RSBN1: variants seen among roughly 807,000 people sequenced by gnomAD.
RSBN1 encodes the protein round spermatid basic protein 1.
RSBN1 carries 23 observed loss-of-function variants against 74.8 expected under a neutral mutation model. That is an observed-to-expected ratio of 0.31 (90% CI 0.22 to 0.44). The LOEUF (loss-of-function observed/expected upper bound fraction) is 0.44, where lower values mean the gene tolerates loss of function less well. RSBN1 is among the 20% of genes least tolerant of loss of function. The pLI is 1.00. For synonymous variants in RSBN1, 407 were observed against 379.6 expected (o/e 1.07, Z -0.84); for missense variants, 808 against 1,020.9 (o/e 0.79, Z 2.84).
At chr1:113,770,520 A>G (rs1659867538) in intron 4 of RSBN1, among the ~76,000 whole-genome samples, 1 of 152,226 alleles carries the variant, frequency 6.6e-6, no homozygotes, top group Admixed American at 6.5e-5. Context: ...TTTCAGCCAG[A>G]AAAACTGCAC....
intron 2 of RSBN1, among the ~76,000 whole-genome samples, chr1:113,791,810 C>T (rs1420080990): frequency 6.6e-6 from 1 of 152,110 alleles, no homozygotes; most frequent in African/African-American, 2.4e-5. Context: ...CTATAACACA[C>T]TAATAATGCA....
chr1:113,784,144 T>G (rs965411378), intron 2 of RSBN1, among the ~76,000 whole-genome samples: 1 of 152,074 alleles, frequency 6.6e-6, no homozygotes, highest in African/African-American at 2.4e-5. Context: ...TTGAAAAGAT[T>G]AAAGGAGGGA....
chr1:113,779,438 C>T (rs147412355), intron 2 of RSBN1, among the ~76,000 whole-genome samples: 207 of 152,180 alleles, frequency 1.4e-3, no homozygotes, highest in African/African-American at 3.5e-3. Flanking sequence ...AATCCTCCCC[C>T]CAAGATCACT....
chr1:113,785,611 CA>C (rs1660225756), intron 2 of RSBN1, among the ~76,000 whole-genome samples: 1 of 152,110 alleles, frequency 6.6e-6, no homozygotes, highest in Non-Finnish European at 1.5e-5. Flanking sequence ...TAAGGAGAGG[CA>C]GACACTAATC....
intron 1 of RSBN1, 54 bp downstream of exon 1, chr1:113,811,656 T>C: frequency 6.6e-7 from 1 of 1,519,076 alleles, no homozygotes; most frequent in Non-Finnish European, 8.8e-7. Context: ...AGATGCGGGA[T>C]ATCGGAACTG....
chr1:113,766,967 A>C, intron 6 of RSBN1, 132 bp downstream of exon 6: 9 of 532,438 alleles, frequency 1.7e-5, no homozygotes, highest in South Asian at 2.8e-5. Flanking sequence ...CACCACCCCC[A>C]CCCCAGTCTT....
chr1:113,810,189 T>G (rs935515887), intron 1 of RSBN1, among the ~76,000 whole-genome samples: 13 of 152,180 alleles, frequency 8.5e-5, no homozygotes, highest in African/African-American at 3.1e-4. Context: ...GAAGCAGGAT[T>G]CAGGAGCCTG....
chr1:113,766,158 T>C lies in RSBN1; in HGVS notation c.2231A>G (p.Glu744Gly), dbSNP rs1236406920. 3 of 1,613,956 alleles carry C rather than the reference T, an allele frequency of 1.9e-6. No homozygotes were observed. Among genetic ancestry groups the C allele is most frequent in the East Asian group, 2.2e-5 (1 of 44,884 alleles). The change falls in exon 7 of 7, where the codon GAA becomes GGA. Residue 744 changes from glutamate (E) to glycine (G), a missense_variant. Physicochemically the swap from Glu to Gly is moderately conservative, Grantham distance 98. Around this residue, in one of 6 missense-constraint regions of RSBN1, gnomAD observed 91 missense variants for 99.6 expected, o/e 0.91. Transcript: ENST00000261441. Reference sequence around the variant, plus strand: ...CAGCTGAATCTCTGTGCATGCTTCTTCAGATTCAGTTTTTATCCTCACACA... The same window carrying C: ...CAGCTGAATCTCTGTGCATGCTTCTCCAGATTCAGTTTTTATCCTCACACA... Reference protein sequence around the residue: ...SQCVRIKTESEEACTEIQLLT... With the variant: ...SQCVRIKTESGEACTEIQLLT...
At chr1:113,785,245 T>TG (rs1213694691) in intron 2 of RSBN1, among the ~76,000 whole-genome samples, 1 of 152,236 alleles carries the variant, frequency 6.6e-6, no homozygotes, top group African/African-American at 2.4e-5. Context: ...CTCCACATCT[T>TG]GTCCTGCTGA....
At chr1:113,788,727 C>A (rs1028642364) in intron 2 of RSBN1, among the ~76,000 whole-genome samples, 2 of 152,010 alleles carry the variant, frequency 1.3e-5, no homozygotes, top group Non-Finnish European at 2.9e-5. Flanking sequence ...TGAATTCAGG[C>A]AAGAGTCATG....
intron 4 of RSBN1, among the ~76,000 whole-genome samples, chr1:113,776,970 A>T (rs915097669): frequency 6.6e-6 from 1 of 152,222 alleles, no homozygotes; most frequent in African/African-American, 2.4e-5. Context: ...AAGGGGTTTG[A>T]TCTTTTATCC....
At chr1:113,801,606 G>A (rs1020942019) in intron 1 of RSBN1, among the ~76,000 whole-genome samples, 11 of 152,212 alleles carry the variant, frequency 7.2e-5, no homozygotes, top group African/African-American at 2.4e-4. Flanking sequence ...TTCCAACAGA[G>A]AATCTATTCA....
At chr1:113,788,500 AC>A (rs1327482162) in intron 2 of RSBN1, among the ~76,000 whole-genome samples, 6 of 152,286 alleles carry the variant, frequency 3.9e-5, no homozygotes, top group African/African-American at 1.2e-4. Flanking sequence ...TATCCTTGGT[AC>A]TCAGACATTC....
chr1:113,809,310 G>C (rs1438440863), intron 1 of RSBN1, among the ~76,000 whole-genome samples: 1 of 152,130 alleles, frequency 6.6e-6, no homozygotes, highest in Admixed American at 6.5e-5. Flanking sequence ...CCATTTTATA[G>C]ACAGGAAAAG....
At chr1:113,789,038 T>C (rs1194872815) in intron 2 of RSBN1, among the ~76,000 whole-genome samples, 1 of 152,168 alleles carries the variant, frequency 6.6e-6, no homozygotes, top group African/African-American at 2.4e-5. Flanking sequence ...GAGGTAGGGC[T>C]CCTAAACTCC....
chr1:113,811,580 C>T, intron 1 of RSBN1, 130 bp downstream of exon 1: 1 of 1,377,432 alleles, frequency 7.3e-7, no homozygotes, highest in East Asian at 2.8e-5. Context: ...CCAGGGTCCA[C>T]CCCAGTGAGC....
chr1:113,788,327 G>C (rs1241064627), intron 2 of RSBN1, among the ~76,000 whole-genome samples: 1 of 152,094 alleles, frequency 6.6e-6, no homozygotes, highest in Non-Finnish European at 1.5e-5. Context: ...ACTCCATAAA[G>C]GATGGATTTC....
At chr1:113,789,273 A>C (rs1310777991) in intron 2 of RSBN1, among the ~76,000 whole-genome samples, 1 of 152,130 alleles carries the variant, frequency 6.6e-6, no homozygotes, top group Non-Finnish European at 1.5e-5. Context: ...AGAGGTTCTG[A>C]GAGCATCTGG....
intron 6 of RSBN1, among the ~76,000 whole-genome samples, chr1:113,766,702 T>C (rs898219520): frequency 1.3e-5 from 2 of 152,228 alleles, no homozygotes; most frequent in African/African-American, 2.4e-5. Context: ...GAGAATCATT[T>C]AAGTATTTCA....
Sources: allele counts gnomAD v4.1 joint callset (sites outside exome capture counted in the v4.1 genomes callset), GRCh38; gene constraint gnomAD v4.1.1; regional missense constraint gnomAD v4.1.1; transcripts MANE v1.5; gene names NCBI Gene and HGNC (gene_info 2026-07-23, HGNC 2026-07-21).